The following TANGO2 variants were observed in gnomAD, a reference collection of about 807,000 sequenced individuals.
TANGO2 encodes the protein transport and Golgi organization protein 2 homolog.
In TANGO2, 26 loss-of-function variants were observed where a neutral mutation model predicts 39.1. The ratio of observed to expected loss-of-function variants is 0.67; its 90% confidence interval spans 0.49 to 0.92. The LOEUF is 0.92. Among genes scored for constraint, TANGO2 ranks in the 40% least tolerant of loss-of-function variants. TANGO2 has a pLI of 0.00. For synonymous variants in TANGO2, 131 were observed against 144.5 expected, an observed-to-expected ratio of 0.91 and a Z score of 0.67; for missense variants, 326 against 360.1, an observed-to-expected ratio of 0.91 and a Z score of 0.77.
chr22:20,048,401 C>T (rs1330349402), intron 3 of TANGO2: 2 of 152,224 alleles, frequency 1.3e-5, no homozygotes, highest in Non-Finnish European at 1.5e-5. Context: ...ATTACCCAGT[C>T]TCGGGTATGT....
At chr22:20,056,354 A>C (rs1211260142) in intron 6 of TANGO2, 1 of 538,446 alleles carries the variant, frequency 1.9e-6, no homozygotes, top group East Asian at 4.6e-5. Context: ...GAACCTCTGG[A>C]GCCATCACCA....
intron 3 of TANGO2, among the ~76,000 whole-genome samples, chr22:20,045,367 A>G (rs2044932115): frequency 6.6e-6 from 1 of 152,022 alleles, no homozygotes; most frequent in Non-Finnish European, 1.5e-5. Flanking sequence ...TGAGCCTGGA[A>G]GGTAGAAGCT....
At chr22:20,061,359 C>T in intron 6 of TANGO2, 171 bp from the exon 7 acceptor site, 2 of 681,344 alleles carry the variant, frequency 2.9e-6, no homozygotes, top group Non-Finnish European at 4.6e-6. Flanking sequence ...GCCATGCCAT[C>T]AGGTCAGGAA....
Position 20,066,611 on chromosome 22 carries a change from C to A in TANGO2, c.*1949C>A, listed in dbSNP as rs1276869837. On this transcript the variant is annotated 3_prime_UTR_variant, in exon 9 of 9. Coordinates refer to ENST00000327374, the MANE Select transcript of TANGO2 (RefSeq NM_152906.7). ...ACTCAGAAGAGTTTCCCAGCTGCGA[C>A]CCAGGCTGCACCCCCAGGCCTGAGG... Among the ~76,000 whole-genome samples, 2 of 152,180 alleles carry A rather than the reference C, an allele frequency of 1.3e-5. No homozygotes were observed.
At chr22:20,030,862 G>C (rs1448613137) in intron 1 of TANGO2, among the ~76,000 whole-genome samples, 1 of 152,164 alleles carries the variant, frequency 6.6e-6, no homozygotes, top group Non-Finnish European at 1.5e-5. Context: ...ATGAGTTTGA[G>C]AATAGCCTGG....
At position 20,064,748 on chromosome 22, in the gene TANGO2, G is replaced by T; in HGVS notation, c.*86G>T. On this transcript the variant is annotated 3_prime_UTR_variant, in exon 9 of 9. Coordinates refer to ENST00000327374, the MANE Select transcript of TANGO2 (RefSeq NM_152906.7). ...ACAGGAAACCTTCCTTTGCCATACT[G>T]CATTGCACTGCCCGTGGCTTGGCCA... 6.5e-7 allele frequency: 1 copy of T among 1,530,554 alleles called. No homozygotes were observed. Among genetic ancestry groups the T allele is most frequent in the Non-Finnish European group, 8.9e-7 (1 of 1,128,612 alleles). 94.8% of individuals were successfully genotyped at this position (1,530,554 alleles called of 1,614,324 possible).
chr22:20,055,825 C>A, intron 5 of TANGO2, 118 bp from the exon 6 acceptor site: 2 of 898,280 alleles, frequency 2.2e-6, no homozygotes, highest in Admixed American at 2.0e-5. Flanking sequence ...CTGACCTGGC[C>A]GCAGCGGGCT....
intron 1 of TANGO2, among the ~76,000 whole-genome samples, chr22:20,031,925 C>T (rs535024179): frequency 6.6e-6 from 1 of 152,348 alleles, no homozygotes; most frequent in Admixed American, 6.5e-5. Flanking sequence ...CAGCATCCCA[C>T]GTGTGCCTGC....
intron 3 of TANGO2, among the ~76,000 whole-genome samples, chr22:20,048,880 C>G (rs1290355291): frequency 6.6e-6 from 1 of 152,134 alleles, no homozygotes; most frequent in Non-Finnish European, 1.5e-5. Context: ...CTCTTGACCT[C>G]TTGATCTGCC....
chr22:20,038,675 C>G (rs1276712635), intron 2 of TANGO2, among the ~76,000 whole-genome samples: 1 of 152,172 alleles, frequency 6.6e-6, no homozygotes, highest in Non-Finnish European at 1.5e-5. Flanking sequence ...GGTGACTGAG[C>G]AAATGTGCGC....
At chr22:20,020,510 G>A (rs544054230), upstream of TANGO2, among the ~76,000 whole-genome samples, 1 of 152,212 alleles carries the variant, frequency 6.6e-6, no homozygotes, top group Non-Finnish European at 1.5e-5. Context: ...GGCTACACTG[G>A]GGGGTGGAAG....
chr22:20,059,934 G>A (rs944515583), intron 6 of TANGO2, among the ~76,000 whole-genome samples: 3 of 151,484 alleles, frequency 2.0e-5, no homozygotes, highest in African/African-American at 7.3e-5. Context: ...CTTTCACTTA[G>A]GTCTTTGGTT....
intron 7 of TANGO2, 52 bp from the exon 8 acceptor site, chr22:20,063,286 T>A: frequency 6.4e-7 from 1 of 1,565,654 alleles, no homozygotes; most frequent in Non-Finnish European, 8.8e-7. Flanking sequence ...TAGACCCGGC[T>A]GCGGGCGGGC....
At chr22:20,041,457 C>T (rs999354037) in intron 2 of TANGO2, among the ~76,000 whole-genome samples, 3 of 152,050 alleles carry the variant, frequency 2.0e-5, no homozygotes, top group Admixed American at 6.6e-5. Flanking sequence ...GGACTACAGG[C>T]GCCCGCCACC....
At chr22:20,064,262 C>G (rs1419575797) in intron 8 of TANGO2, among the ~76,000 whole-genome samples, 1 of 152,214 alleles carries the variant, frequency 6.6e-6, no homozygotes, top group Non-Finnish European at 1.5e-5. Flanking sequence ...TATGCCTTGG[C>G]TCATGCTACA....
intron 2 of TANGO2, among the ~76,000 whole-genome samples, 191 bp from the exon 3 acceptor site, chr22:20,043,164 C>T (rs1427326464): frequency 3.3e-5 from 5 of 152,238 alleles, no homozygotes; most frequent in African/African-American, 1.2e-4. Context: ...GTCCCAGCTG[C>T]AGGCTCCCGA....
At chr22:20,044,467 A>C (rs1019442617) in intron 3 of TANGO2, among the ~76,000 whole-genome samples, 5 of 152,236 alleles carry the variant, frequency 3.3e-5, no homozygotes, top group African/African-American at 1.2e-4. Context: ...CAGAGGTTTC[A>C]GTGAGCTGAG....
At chr22:20,031,057 G>A (rs1404136661) in intron 1 of TANGO2, among the ~76,000 whole-genome samples, 3 of 152,100 alleles carry the variant, frequency 2.0e-5, no homozygotes, top group African/African-American at 7.2e-5. Flanking sequence ...AATTAGCTGG[G>A]TGTGATGGCA....
rs1223613111 is a variant in TANGO2, at chr22:20,057,026, A to G, written c.451+1013A>G. On this transcript the variant is annotated intron_variant, in intron 6 of 8. Transcript: ENST00000327374. The surrounding 1 kb of genome is among the most constrained non-coding windows in gnomAD (Gnocchi z 4.1). ...CTGGCTCCTCTGAAGCTCCATGCCC[A>G]CGTCACACAGACTTTCTTTTGCATT... is the stretch of plus-strand genomic sequence containing the variant. 2.2e-6 allele frequency: 1 copy of G among 447,670 alleles called. No individual in the cohort carries two copies. Among genetic ancestry groups the G allele is most frequent in the Non-Finnish European group, 4.5e-6 (1 of 222,478 alleles). 27.7% of individuals were successfully genotyped at this position (447,670 alleles called of 1,614,324 possible).
Sources: gnomAD v4.1 joint callset for allele counts (sites outside exome capture counted in the v4.1 genomes callset) on GRCh38, gnomAD v4.1.1 for gene constraint, Gnocchi (gnomAD v3.1) non-coding constraint, MANE v1.5 for transcripts, NCBI Gene and HGNC (gene_info 2026-07-23, HGNC 2026-07-21) for gene names.